ATP10B: variants seen among roughly 807,000 people sequenced by gnomAD.
ATP10B encodes phospholipid-transporting ATPase VB.
In ATP10B, 122 loss-of-function variants were observed where a neutral mutation model predicts 141.2. That is an observed-to-expected ratio of 0.86 (90% CI 0.75 to 1.00). The LOEUF (loss-of-function observed/expected upper bound fraction) is 1.00, where lower values mean the gene tolerates loss of function less well. Ranked by LOEUF, ATP10B falls within the 50% of genes least tolerant of loss-of-function variation. The pLI is 0.00. For missense variants in ATP10B, 1,876 were observed against 1,825.3 expected (o/e 1.03, Z -0.51); for synonymous variants, 685 against 692.0 (o/e 0.99, Z 0.16).
the ATP10B span, among the ~76,000 whole-genome samples, chr5:160,914,650 C>T: frequency 6.6e-6 from 1 of 152,078 alleles, no homozygotes; most frequent in Non-Finnish European, 1.5e-5. Flanking sequence ...GATGTGGAAC[C>T]TGCATATGTA....
intron 6 of ATP10B, among the ~76,000 whole-genome samples, chr5:160,676,293 C>T (rs1228788041): frequency 6.6e-6 from 1 of 152,136 alleles, no homozygotes; most frequent in African/African-American, 2.4e-5. Flanking sequence ...TCACAGGTGC[C>T]ATCCAGCAAG....
chr5:160,856,042 G>T (rs1398437626), upstream of ATP10B, among the ~76,000 whole-genome samples: 1 of 151,206 alleles, frequency 6.6e-6, no homozygotes, highest in African/African-American at 2.4e-5. Context: ...TTTCAAAATT[G>T]TTTTAACTAT....
chr5:160,863,017 T>C, the ATP10B span, among the ~76,000 whole-genome samples: 1 of 152,028 alleles, frequency 6.6e-6, no homozygotes, highest in Non-Finnish European at 1.5e-5. Flanking sequence ...TAGACAGATA[T>C]GATTATTCAC....
Position 160,565,286 on chromosome 5 carries a change from T to G in ATP10B, c.*167A>C. On this transcript the variant is annotated 3_prime_UTR_variant, in exon 26 of 26. Transcript: ENST00000327245. ...TAGAGGCCGACTGGGTTTCCCGTCT[T>G]TGTGTCAGACCCCTTGGGGCCAGCA... The G allele has an allele frequency of 1.5e-6, 1 of 679,810 alleles. No homozygotes were observed. The highest frequency in any genetic ancestry group is 2.0e-5 in the South Asian group (1 of 48,868). The allele number at this position is 679,810 out of a possible 1,614,324, so 42.1% of individuals were successfully genotyped here.
In ATP10B at chr5:160,785,682, AGAG is replaced by A. The variant is rs1314005449; in HGVS notation, c.-457_-455del. On this transcript the variant is annotated 5_prime_UTR_variant, in exon 2 of 26. Transcript: ENST00000327245. The stretch of plus-strand genomic sequence containing the variant: ...TGGTAGTTTCTCATCTTGGCAGTGG[AGAG>A]GAGTTCATTATCTCCACTGAGTGAG... 2 of 1,288,074 alleles carry A rather than the reference AGAG, an allele frequency of 1.6e-6. No homozygotes were observed. Among genetic ancestry groups the A allele is most frequent in the Non-Finnish European group, 2.0e-6 (2 of 988,024 alleles). The allele number at this position is 1,288,074 out of a possible 1,614,324, so 79.8% of individuals were successfully genotyped here. A position where few individuals can be genotyped will look rare whatever the true frequency, so the allele number is the denominator to read the frequency against.
rs1482895713 is a variant in ATP10B at position 160,688,095 on chromosome 5, C to T, written c.-20-1G>A. The T allele has an allele frequency of 1.2e-6, 2 of 1,605,754 alleles. No homozygotes were observed. Among genetic ancestry groups the T allele is most frequent in the Non-Finnish European group, 1.7e-6 (2 of 1,176,012 alleles). On this transcript the variant is annotated splice_acceptor_variant, in intron 4 of 25. Transcript: ENST00000327245. LOFTEE classifies it low-confidence loss of function (5UTR_SPLICE). ...GCCATTTCCAGCAGCAGGCGAAGAT[C>T]TGAAAACAGACACAGGAGGAGCTAT...
At chr5:160,856,613 C>T (rs543489027), upstream of ATP10B, among the ~76,000 whole-genome samples, 2 of 151,792 alleles carry the variant, frequency 1.3e-5, no homozygotes, top group South Asian at 4.2e-4. Flanking sequence ...AAGTCTGTCA[C>T]TAATAAGTAT....
chr5:160,670,800 A>G (rs1338232152), intron 6 of ATP10B, 133 bp from the exon 7 acceptor site: 4 of 728,462 alleles, frequency 5.5e-6, no homozygotes, highest in Non-Finnish European at 9.2e-6. Context: ...CTTGTATTCT[A>G]CCTTACCCCT....
the ATP10B span, among the ~76,000 whole-genome samples, chr5:160,905,362 C>G: frequency 3.3e-5 from 5 of 152,310 alleles, no homozygotes; most frequent in African/African-American, 1.2e-4. Flanking sequence ...CCAGCCTCTG[C>G]CATTTAATAG....
At chr5:160,681,985 C>T (rs1373622035) in intron 6 of ATP10B, among the ~76,000 whole-genome samples, 7 of 152,232 alleles carry the variant, frequency 4.6e-5, no homozygotes, top group Admixed American at 3.9e-4. Flanking sequence ...ATAGTCACCA[C>T]CATTCCCTAT....
intron 12 of ATP10B, chr5:160,633,202 C>T (rs763672479): frequency 3.3e-5 from 5 of 152,160 alleles, no homozygotes; most frequent in Non-Finnish European, 7.3e-5. Context: ...ACCAGCAATC[C>T]CATTACTGGG....
the ATP10B span, among the ~76,000 whole-genome samples, chr5:160,874,759 C>T: frequency 1.7e-4 from 26 of 151,266 alleles, no homozygotes; most frequent in South Asian, 4.2e-4. Flanking sequence ...GGAGCCGATG[C>T]GATCAACTGG....
chr5:160,915,150 T>G, the ATP10B span, among the ~76,000 whole-genome samples: 498 of 152,330 alleles, frequency 3.3e-3, 6 homozygotes, highest in African/African-American at 0.011. Flanking sequence ...CAAATCATAT[T>G]AAATTATGCC....
At chr5:160,918,069 A>G in the ATP10B span, among the ~76,000 whole-genome samples, 1 of 151,708 alleles carries the variant, frequency 6.6e-6, no homozygotes, top group South Asian at 2.1e-4. Flanking sequence ...CATTCTGTCT[A>G]CTCTCCCTAC....
intron 21 of ATP10B, among the ~76,000 whole-genome samples, chr5:160,599,609 C>A (rs182083406): frequency 6.6e-6 from 1 of 152,182 alleles, no homozygotes; most frequent in Non-Finnish European, 1.5e-5. Flanking sequence ...GAACCATGAG[C>A]AGGACACCTG....
At chr5:160,652,250 C>G (rs1290481916) in intron 7 of ATP10B, among the ~76,000 whole-genome samples, 1 of 152,138 alleles carries the variant, frequency 6.6e-6, no homozygotes, top group East Asian at 1.9e-4. Flanking sequence ...GTCCCCTGGG[C>G]TCTCTTCTTC....
At chr5:160,762,935 A>T (rs1339316208) in intron 2 of ATP10B, among the ~76,000 whole-genome samples, 1 of 152,158 alleles carries the variant, frequency 6.6e-6, no homozygotes, top group African/African-American at 2.4e-5. Flanking sequence ...GATAAAACAG[A>T]CATCAAAGAA....
chr5:160,654,063 A>G (rs1761287782), intron 7 of ATP10B, among the ~76,000 whole-genome samples: 1 of 130,920 alleles, frequency 7.6e-6, no homozygotes, highest in African/African-American at 2.8e-5. Context: ...TATATGTTGT[A>G]TATACGTATA....
At chr5:160,874,473 G>C in the ATP10B span, among the ~76,000 whole-genome samples, 2 of 152,138 alleles carry the variant, frequency 1.3e-5, no homozygotes, top group East Asian at 3.9e-4. Flanking sequence ...AAAACGCAGA[G>C]TGCCTCTCCT....
Sources: allele counts gnomAD v4.1 joint callset (sites outside exome capture counted in the v4.1 genomes callset), GRCh38; gene constraint gnomAD v4.1.1; transcripts MANE v1.5; gene names NCBI Gene and HGNC (gene_info 2026-07-23, HGNC 2026-07-21).